CCDC91: variants seen among roughly 807,000 people sequenced by gnomAD.
The protein encoded by CCDC91 is coiled-coil domain-containing protein 91.
In CCDC91, 48 loss-of-function variants were observed where a neutral mutation model predicts 63.2. The ratio of observed to expected loss-of-function variants is 0.76; its 90% CI spans 0.60 to 0.97. The LOEUF is 0.97. Ranked by LOEUF, CCDC91 falls within the 50% of genes least tolerant of loss-of-function variation. The probability of loss-of-function intolerance (pLI) is 0.00; values close to 1 mark genes in which losing one functional copy is unlikely to be tolerated. For missense variants in CCDC91, 500 were observed against 494.6 expected (o/e 1.01, Z -0.10); for synonymous variants, 167 against 165.8 (o/e 1.01, Z -0.06).
intron 12 of CCDC91, among the ~76,000 whole-genome samples, chr12:28,531,947 G>A (rs2141633236): frequency 6.6e-6 from 1 of 152,266 alleles, no homozygotes; most frequent in East Asian, 1.9e-4. Flanking sequence ...TAATGAATTA[G>A]TGATGCAGAT....
At chr12:28,397,590 A>G (rs1946368610) in intron 8 of CCDC91, among the ~76,000 whole-genome samples, 1 of 152,156 alleles carries the variant, frequency 6.6e-6, no homozygotes, top group African/African-American at 2.4e-5. Context: ...TGAGGGGCCT[A>G]TGTGTGTATG....
At chr12:28,415,037 A>G (rs2139790850) in intron 8 of CCDC91, among the ~76,000 whole-genome samples, 1 of 152,314 alleles carries the variant, frequency 6.6e-6, no homozygotes, top group Middle Eastern at 3.4e-3. Flanking sequence ...TTATGCGGAG[A>G]TACCTCTAGG....
chr12:28,533,282 T>C (rs139113326), intron 12 of CCDC91, among the ~76,000 whole-genome samples: 2,444 of 152,194 alleles, frequency 0.016, 64 homozygotes, highest in African/African-American at 0.056. Context: ...TTTTTGAGAT[T>C]CGTAGAATTG....
intron 1 of CCDC91, among the ~76,000 whole-genome samples, chr12:28,230,293 G>A (rs1944506817): frequency 6.6e-6 from 1 of 152,100 alleles, no homozygotes; most frequent in Non-Finnish European, 1.5e-5. Flanking sequence ...AGCAAGTTTT[G>A]GGGGGCATAT....
intron 6 of CCDC91, among the ~76,000 whole-genome samples, chr12:28,334,268 A>G (rs2137763508): frequency 6.6e-6 from 1 of 152,220 alleles, no homozygotes; most frequent in Non-Finnish European, 1.5e-5. Flanking sequence ...GAGTTTGTAT[A>G]GTTCTATTCT....
chr12:28,219,553 G>T (rs1403729966), intron 1 of CCDC91, among the ~76,000 whole-genome samples: 1 of 145,364 alleles, frequency 6.9e-6, no homozygotes, highest in African/African-American at 2.6e-5. Flanking sequence ...CTCACTGCAA[G>T]CTCTGCCTCC....
At chr12:28,346,229 T>C (rs1376188576) in intron 6 of CCDC91, among the ~76,000 whole-genome samples, 6 of 152,178 alleles carry the variant, frequency 3.9e-5, no homozygotes, top group Non-Finnish European at 8.8e-5. Flanking sequence ...GTTATTGTAA[T>C]TTGTTGCCAC....
At chr12:28,233,937 T>G in intron 1 of CCDC91, among the ~76,000 whole-genome samples, 1 of 152,128 alleles carries the variant, frequency 6.6e-6, no homozygotes, top group East Asian at 1.9e-4. Context: ...ACCGGTAAAA[T>G]TGATCATCTT....
chr12:28,509,740 C>T lies in CCDC91; in HGVS notation c.1215+25575C>T, dbSNP rs1255240865. 8.6e-5 allele frequency among the ~76,000 whole-genome samples: 13 copies of T among 151,722 alleles called. 1 individual carries two copies. Among genetic ancestry groups the T allele is most frequent in the South Asian group, 4.2e-4 (2 of 4,818 alleles). On this transcript the variant is annotated intron_variant, in intron 12 of 12. Transcript: ENST00000536442. The stretch of plus-strand genomic sequence containing the variant: ...TGAAAATATTTGTATTGCTCTTCAG[C>T]GCTGATGATTATGGGAACAAGAGAG...
intron 3 of CCDC91, among the ~76,000 whole-genome samples, chr12:28,278,547 A>G (rs1324870661): frequency 6.6e-6 from 1 of 152,148 alleles, no homozygotes; most frequent in African/African-American, 2.4e-5. Context: ...CTGTTCATCT[A>G]GGAGCATAAG....
At chr12:28,500,031 G>A (rs186124278) in intron 12 of CCDC91, among the ~76,000 whole-genome samples, 200 of 151,992 alleles carry the variant, frequency 1.3e-3, no homozygotes, top group Non-Finnish European at 2.5e-3. Flanking sequence ...TTTAATGATC[G>A]CCATTCTAAC....
rs572156461 is a variant in CCDC91 at position 28,415,224 on chromosome 12, C to A, written c.762+23813C>A. ...TGTGAAATGTTATTTGTTTGTAAAG[C>A]GGATTTTTTTTTTTTTGAGATGGAG... On this transcript the variant is annotated intron_variant, in intron 8 of 12. Coordinates refer to ENST00000536442, the MANE Select transcript of CCDC91 (RefSeq NM_018318.5). 2.3e-5 allele frequency among the ~76,000 whole-genome samples: 3 copies of A among 130,464 alleles called. No homozygotes were observed. In the East Asian group the frequency reaches 6.6e-4, roughly 28 times the overall value. 85.6% of individuals were successfully genotyped at this position (130,464 alleles called of 152,430 possible). A position where few individuals can be genotyped will look rare whatever the true frequency, so the allele number is the denominator to read the frequency against.
At chr12:28,467,154 C>T (rs1950586064) in intron 11 of CCDC91, among the ~76,000 whole-genome samples, 1 of 151,938 alleles carries the variant, frequency 6.6e-6, no homozygotes, top group African/African-American at 2.4e-5. Context: ...CTAAACTCTC[C>T]AATCAAAAGC....
At chr12:28,460,518 A>G (rs1225974534) in intron 11 of CCDC91, among the ~76,000 whole-genome samples, 1 of 152,134 alleles carries the variant, frequency 6.6e-6, no homozygotes, top group Non-Finnish European at 1.5e-5. Flanking sequence ...TGGGATTAAT[A>G]ATACCTGCTT....
intron 8 of CCDC91, among the ~76,000 whole-genome samples, chr12:28,411,159 C>T (rs1473913064): frequency 6.6e-6 from 1 of 152,008 alleles, no homozygotes; most frequent in Non-Finnish European, 1.5e-5. Flanking sequence ...TACTTTTACA[C>T]TGAGGATGTC....
chr12:28,490,215 T>C (rs1454550864), intron 12 of CCDC91, among the ~76,000 whole-genome samples: 2 of 151,860 alleles, frequency 1.3e-5, no homozygotes, highest in Non-Finnish European at 2.9e-5. Context: ...TGTAGTTGTA[T>C]GTGCAAGAAG....
At chr12:28,325,070 C>T (rs1374839109) in intron 6 of CCDC91, among the ~76,000 whole-genome samples, 1 of 151,814 alleles carries the variant, frequency 6.6e-6, no homozygotes, top group Admixed American at 6.6e-5. Context: ...TTCTGTGTTG[C>T]TAAGAAAAAC....
rs1267233829 is a variant in CCDC91 at position 28,419,022 on chromosome 12, TC to T, written c.762+27613del. Among the ~76,000 whole-genome samples the T allele has an allele frequency of 2.6e-5, 4 of 152,182 alleles. No homozygotes were observed. The South Asian group carries it at 6.2e-4, about 24-fold the overall frequency. ...ATGCTTATGTACATTATTTTATACA[TC>T]CATCCATTCATTCACTCTTTTTTTG... On this transcript the variant is annotated intron_variant, in intron 8 of 12. Transcript: ENST00000536442.
intron 1 of CCDC91, among the ~76,000 whole-genome samples, chr12:28,241,696 C>CA (rs1438720537): frequency 1.3e-5 from 2 of 152,034 alleles, no homozygotes; most frequent in African/African-American, 4.8e-5. Context: ...AGGAATTTCT[C>CA]AAAGTATACC....
Sources: gnomAD v4.1 joint callset for allele counts (sites outside exome capture counted in the v4.1 genomes callset) on GRCh38, gnomAD v4.1.1 for gene constraint, MANE v1.5 for transcripts, NCBI Gene and HGNC (gene_info 2026-07-23, HGNC 2026-07-21) for gene names.